UST: variants seen among roughly 807,000 people sequenced by gnomAD.
UST encodes the protein uronyl 2-sulfotransferase.
In UST, 21 loss-of-function variants were observed where a neutral mutation model predicts 45.6. The observed-to-expected ratio is 0.46, with a 90% CI of 0.33 to 0.66. UST has a LOEUF of 0.66. Ranked by LOEUF, UST falls within the 30% of genes least tolerant of loss-of-function variation. The pLI is 0.02. For synonymous variants in UST, 215 were observed against 200.6 expected (o/e 1.07, Z -0.61); for missense variants, 463 against 512.4 (o/e 0.90, Z 0.93).
chr6:148,818,690 G>A (rs910205922), intron 1 of UST, among the ~76,000 whole-genome samples: 1 of 152,194 alleles, frequency 6.6e-6, no homozygotes, highest in Non-Finnish European at 1.5e-5. Flanking sequence ...TAAGAAAAAT[G>A]CCTATTTGAG....
At chr6:148,906,480 AG>A (rs1292665827) in intron 2 of UST, among the ~76,000 whole-genome samples, 1 of 152,210 alleles carries the variant, frequency 6.6e-6, no homozygotes, top group Non-Finnish European at 1.5e-5. Flanking sequence ...ACAAGGTATG[AG>A]GGTTATCTAA....
intron 2 of UST, among the ~76,000 whole-genome samples, chr6:148,887,750 G>A (rs539534359): frequency 3.5e-4 from 54 of 152,204 alleles, no homozygotes; most frequent in Non-Finnish European, 6.3e-4. Flanking sequence ...GGAAATGATG[G>A]GGATTGTTGA....
chr6:148,822,875 G>T (rs562870557), intron 1 of UST, among the ~76,000 whole-genome samples: 5 of 152,296 alleles, frequency 3.3e-5, no homozygotes, highest in African/African-American at 1.2e-4. Flanking sequence ...GAATAAATAA[G>T]ATTTTAATTG....
intron 1 of UST, among the ~76,000 whole-genome samples, chr6:148,843,984 A>G (rs1396980728): frequency 6.6e-6 from 1 of 152,170 alleles, no homozygotes; most frequent in African/African-American, 2.4e-5. Context: ...ACTTTGGTTA[A>G]AAAGGTTCAG....
At chr6:148,963,191 G>A (rs1780702068) in intron 4 of UST, among the ~76,000 whole-genome samples, 1 of 152,194 alleles carries the variant, frequency 6.6e-6, no homozygotes. Context: ...GGTTTTGAAA[G>A]GTGAATGGAG....
intron 5 of UST, among the ~76,000 whole-genome samples, chr6:149,011,142 T>C (rs1158388802): frequency 6.6e-6 from 1 of 152,172 alleles, no homozygotes; most frequent in African/African-American, 2.4e-5. Context: ...GATCCTGTCA[T>C]TTGCAATGAC....
intron 2 of UST, among the ~76,000 whole-genome samples, chr6:148,910,041 T>A (rs916396589): frequency 1.3e-5 from 2 of 151,828 alleles, no homozygotes; most frequent in African/African-American, 2.4e-5. Flanking sequence ...TTCTTGTTAT[T>A]GGAACTTAGC....
At chr6:148,803,927 T>G (rs999989639) in intron 1 of UST, among the ~76,000 whole-genome samples, 15 of 152,340 alleles carry the variant, frequency 9.8e-5, no homozygotes, top group Non-Finnish European at 1.8e-4. Context: ...CTGAGTTGCC[T>G]TGTGAAACTC....
chr6:148,924,786 C>G (rs765219986), intron 2 of UST, among the ~76,000 whole-genome samples: 3 of 152,098 alleles, frequency 2.0e-5, no homozygotes, highest in Non-Finnish European at 4.4e-5. Context: ...TTGGGCCTCT[C>G]CTGGAAAGAC....
At chr6:148,754,358 G>A (rs1313246506) in intron 1 of UST, among the ~76,000 whole-genome samples, 1 of 152,108 alleles carries the variant, frequency 6.6e-6, no homozygotes, top group African/African-American at 2.4e-5. Context: ...ATTTGGTTAC[G>A]TGAGTAAGTT....
intron 1 of UST, among the ~76,000 whole-genome samples, chr6:148,807,669 C>A (rs1406431022): frequency 6.6e-6 from 1 of 152,106 alleles, no homozygotes; most frequent in Non-Finnish European, 1.5e-5. Context: ...GCTTTGATTT[C>A]TTCAGCAAGG....
intron 3 of UST, among the ~76,000 whole-genome samples, chr6:148,950,918 AC>A (rs1176803428): frequency 6.6e-6 from 1 of 152,234 alleles, no homozygotes; most frequent in African/African-American, 2.4e-5. Context: ...ATTGCCTGAT[AC>A]AGAGGGGAGA....
intron 1 of UST, among the ~76,000 whole-genome samples, chr6:148,786,690 A>G (rs917587103): frequency 6.6e-6 from 1 of 152,246 alleles, no homozygotes; most frequent in Non-Finnish European, 1.5e-5. Flanking sequence ...ATAGTGCTGC[A>G]ATGAACATAT....
chr6:148,926,568 A>G (rs1582902817), intron 2 of UST, among the ~76,000 whole-genome samples: 1 of 152,224 alleles, frequency 6.6e-6, no homozygotes, highest in African/African-American at 2.4e-5. Flanking sequence ...TCATGGTCAC[A>G]GGATTGCTTC....
intron 5 of UST, among the ~76,000 whole-genome samples, chr6:149,007,437 G>A (rs1449322525): frequency 1.3e-5 from 2 of 149,754 alleles, no homozygotes; most frequent in African/African-American, 4.9e-5. Flanking sequence ...ACAGGCGCCC[G>A]CTACCACACC....
intron 5 of UST, among the ~76,000 whole-genome samples, chr6:148,966,560 A>G (rs1469472864): frequency 6.6e-6 from 1 of 152,208 alleles, no homozygotes; most frequent in Non-Finnish European, 1.5e-5. Flanking sequence ...ATATTAATGT[A>G]AGAGTTAAGA....
intron 1 of UST, among the ~76,000 whole-genome samples, chr6:148,852,629 C>T (rs555370328): frequency 1.3e-5 from 2 of 152,312 alleles, no homozygotes; most frequent in South Asian, 4.1e-4. Context: ...GTAGGAGCTG[C>T]CTAGTGAACT....
intron 5 of UST, among the ~76,000 whole-genome samples, chr6:149,002,060 A>G (rs1781560282): frequency 6.6e-6 from 1 of 152,016 alleles, no homozygotes; most frequent in African/African-American, 2.4e-5. Context: ...CCTTCCTCAG[A>G]CTCTCTCAGT....
intron 1 of UST, among the ~76,000 whole-genome samples, chr6:148,870,343 A>C (rs1469010148): frequency 6.6e-6 from 1 of 152,184 alleles, no homozygotes; most frequent in African/African-American, 2.4e-5. Context: ...GATGTGTGAC[A>C]ACATTAAAGT....
Sources: gnomAD v4.1 joint callset for allele counts (sites outside exome capture counted in the v4.1 genomes callset) on GRCh38, gnomAD v4.1.1 for gene constraint, MANE v1.5 for transcripts, NCBI Gene and HGNC (gene_info 2026-07-23, HGNC 2026-07-21) for gene names.